Variants in STAG1 observed in about 807,000 individuals in gnomAD.
STAG1 encodes STAG1 cohesin complex component, also known as cohesin subunit SA-1.
STAG1 carries 26 observed loss-of-function variants against 170.9 expected under a neutral mutation model. That is an observed-to-expected ratio of 0.15 (90% CI 0.11 to 0.21). STAG1 has a LOEUF of 0.21. Ranked by LOEUF, STAG1 falls within the 10% of genes least tolerant of loss-of-function variation. STAG1 has a pLI of 1.00. For synonymous variants in STAG1, 514 were observed against 497.7 expected, an observed-to-expected ratio of 1.03 and a Z score of -0.44; for missense variants, 964 against 1,509.5, an observed-to-expected ratio of 0.64 and a Z score of 5.99.
intron 9 of STAG1, among the ~76,000 whole-genome samples, chr3:136,495,539 G>A (rs1030676832): frequency 6.6e-6 from 1 of 152,142 alleles, no homozygotes; most frequent in African/African-American, 2.4e-5. Flanking sequence ...ATATCAGCCA[G>A]GTGTGGTGGC....
At chr3:136,498,695 A>G (rs1237728832) in intron 9 of STAG1, among the ~76,000 whole-genome samples, 1 of 140,946 alleles carries the variant, frequency 7.1e-6, no homozygotes. Flanking sequence ...AAGTTGCAGT[A>G]AAAAAAAAAA....
In STAG1 at chr3:136,377,680, T is replaced by C; in HGVS notation, c.2350A>G (p.Asn784Asp). ...AVCQQCLSNV[N>D]TPVKEQAFML... is the part of the protein sequence containing the mutation. The stretch of plus-strand genomic sequence containing the variant: ...CTTACCTGTTCTTTCACTGGAGTAT[T>C]AACATTAGACAGGCACTGCTGGCAA... The change falls in exon 23 of 34, where the codon AAT (asparagine) becomes GAT (aspartate). Residue 784 changes from asparagine (N) to aspartate (D), a missense_variant. Around this residue, in one of 11 missense-constraint regions of STAG1, gnomAD observed 232 missense variants for 313.0 expected, o/e 0.74. Coordinates refer to ENST00000383202, the MANE Select transcript of STAG1 (RefSeq NM_005862.3). 1 of 1,613,886 alleles carries C rather than the reference T, an allele frequency of 6.2e-7. No homozygotes were observed.
intron 23 of STAG1, among the ~76,000 whole-genome samples, chr3:136,374,613 G>A (rs558303010): frequency 1.2e-4 from 18 of 149,240 alleles, no homozygotes; most frequent in African/African-American, 3.7e-4. Flanking sequence ...GCAAAACTCC[G>A]TCTCAAAAAA....
chr3:136,449,439 T>C (rs2088874720), intron 14 of STAG1, among the ~76,000 whole-genome samples: 1 of 151,958 alleles, frequency 6.6e-6, no homozygotes, highest in East Asian at 1.9e-4. Context: ...TACACACTTG[T>C]AGTCTCAGCT....
chr3:136,633,830 A>C (rs1475783907), intron 1 of STAG1, among the ~76,000 whole-genome samples: 2 of 151,064 alleles, frequency 1.3e-5, no homozygotes, highest in Non-Finnish European at 1.5e-5. Context: ...TCTACAAAAA[A>C]ATTTAAAAAC....
At chr3:136,377,544 G>A in intron 23 of STAG1, 116 bp downstream of exon 23, 1 of 737,758 alleles carries the variant, frequency 1.4e-6, no homozygotes, top group South Asian at 1.7e-5. Context: ...TCCAGGTCCA[G>A]TAAATGTTAG....
intron 21 of STAG1, among the ~76,000 whole-genome samples, chr3:136,405,791 C>CA (rs34952291): frequency 0.048 from 2,423 of 50,002 alleles, 202 homozygotes; most frequent in African/African-American, 0.098. Context: ...ACTCTATCTC[C>CA]AAAAAAAAAA....
chr3:136,693,275 A>G (rs1230052274), intron 1 of STAG1, among the ~76,000 whole-genome samples: 3 of 152,212 alleles, frequency 2.0e-5, no homozygotes, highest in East Asian at 1.9e-4. Context: ...TATTATTCCA[A>G]CACCGTGGCT....
chr3:136,404,319 C>G (rs1037371990), intron 21 of STAG1, among the ~76,000 whole-genome samples: 2 of 152,178 alleles, frequency 1.3e-5, no homozygotes, highest in African/African-American at 4.8e-5. Flanking sequence ...CTCTGCCCTC[C>G]TGTTTCCATG....
intron 1 of STAG1, among the ~76,000 whole-genome samples, chr3:136,716,538 T>C (rs1387488758): frequency 6.6e-6 from 1 of 152,162 alleles, no homozygotes; most frequent in African/African-American, 2.4e-5. Flanking sequence ...GCCAACACTT[T>C]GGGAAGCTGA....
intron 1 of STAG1, among the ~76,000 whole-genome samples, chr3:136,631,758 G>A (rs1012129852): frequency 1.3e-5 from 2 of 152,144 alleles, no homozygotes; most frequent in Non-Finnish European, 2.9e-5. Context: ...AGCAGGGGTA[G>A]TAGGACCTAA....
At chr3:136,546,762 T>C (rs562771638) in intron 5 of STAG1, among the ~76,000 whole-genome samples, 3 of 152,342 alleles carry the variant, frequency 2.0e-5, no homozygotes, top group Admixed American at 2.0e-4. Flanking sequence ...CAAAAAGTTT[T>C]AGCAAGTACC....
In STAG1 at chr3:136,420,934, C is replaced by A. The variant is rs572444331; in HGVS notation, c.2108+159G>T. Among the ~76,000 whole-genome samples the A allele has an allele frequency of 5.3e-5, 8 of 152,260 alleles. No individual in the cohort carries two copies. The South Asian group carries it at 1.4e-3, about 28-fold the overall frequency. On this transcript the variant is annotated intron_variant, in intron 20 of 33. Transcript: ENST00000383202. ...GAGTAGCTGGGACCACAGGTGGACA[C>A]TCTCATGCCCAATTTTTGTATTTTT...
At chr3:136,469,913 G>A (rs1009540126) in intron 12 of STAG1, among the ~76,000 whole-genome samples, 1 of 152,164 alleles carries the variant, frequency 6.6e-6, no homozygotes, top group East Asian at 1.9e-4. Context: ...GAATGGTGCT[G>A]GGAAAACTGG....
At chr3:136,529,385 A>G (rs368054100) in intron 6 of STAG1, among the ~76,000 whole-genome samples, 2 of 152,180 alleles carry the variant, frequency 1.3e-5, no homozygotes, top group Non-Finnish European at 2.9e-5. Context: ...TGAAAACAGC[A>G]AAAGTGTCTA....
At chr3:136,346,384 T>C (rs1016998485) in intron 29 of STAG1, among the ~76,000 whole-genome samples, 3 of 152,246 alleles carry the variant, frequency 2.0e-5, no homozygotes, top group Admixed American at 6.5e-5. Flanking sequence ...CTTTTAATAC[T>C]TTCTCATTTT....
intron 1 of STAG1, among the ~76,000 whole-genome samples, chr3:136,684,938 T>A (rs1426355534): frequency 6.6e-6 from 1 of 151,772 alleles, no homozygotes; most frequent in Non-Finnish European, 1.5e-5. Context: ...CAGAAGACAA[T>A]CTAGATGACC....
intron 7 of STAG1, among the ~76,000 whole-genome samples, chr3:136,504,765 T>C (rs948860307): frequency 1.3e-5 from 2 of 152,140 alleles, no homozygotes; most frequent in African/African-American, 2.4e-5. Flanking sequence ...AATTCACCAG[T>C]GGAAACTGAG....
intron 1 of STAG1, among the ~76,000 whole-genome samples, chr3:136,725,563 T>G (rs954938584): frequency 6.6e-6 from 1 of 152,196 alleles, no homozygotes; most frequent in African/African-American, 2.4e-5. Flanking sequence ...AACAGTAAAG[T>G]GATGACTTAT....
Sources: gnomAD v4.1 joint callset for allele counts (sites outside exome capture counted in the v4.1 genomes callset) on GRCh38, gnomAD v4.1.1 for gene constraint, gnomAD v4.1.1 regional missense constraint, MANE v1.5 for transcripts, NCBI Gene and HGNC (gene_info 2026-07-23, HGNC 2026-07-21) for gene names.